KLF8: variants seen among roughly 807,000 people sequenced by gnomAD.
The protein encoded by KLF8 is KLF transcription factor 8.
KLF8 carries 10 observed loss-of-function variants against 18.2 expected under a neutral mutation model. The observed-to-expected ratio is 0.55, with a 90% CI of 0.34 to 0.93. KLF8 has a LOEUF of 0.93. KLF8 is among the 40% of genes least tolerant of loss of function. The pLI, the probability that KLF8 is intolerant of heterozygous loss-of-function variation, is 0.02. For missense variants in KLF8, 264 were observed against 277.9 expected (o/e 0.95, Z 0.36); for synonymous variants, 109 against 97.3 (o/e 1.12, Z -0.71).
the KLF8 span, among the ~76,000 whole-genome samples, chrX:56,027,027 C>T: frequency 4.9e-4 from 55 of 112,714 alleles, no homozygotes; most frequent in African/African-American, 1.5e-3. Context: ...GTAGAAGTAC[C>T]AGCTTAACAG....
At chrX:56,189,162 T>A in the KLF8 span, among the ~76,000 whole-genome samples, 2 of 110,559 alleles carry the variant, frequency 1.8e-5, no homozygotes, top group Non-Finnish European at 3.8e-5. Context: ...AGAACTCCAA[T>A]AAATTTACAA....
the KLF8 span, among the ~76,000 whole-genome samples, chrX:56,097,035 A>G: frequency 9.0e-6 from 1 of 111,545 alleles, no homozygotes; most frequent in Admixed American, 9.6e-5. Flanking sequence ...TTTTGTGAAC[A>G]TAGATGCAAA....
the KLF8 span, among the ~76,000 whole-genome samples, chrX:56,009,453 G>A: frequency 9.0e-6 from 1 of 111,728 alleles, no homozygotes; most frequent in South Asian, 3.8e-4. Context: ...TCATCCAAAG[G>A]TCAGCAGCCT....
the KLF8 span, among the ~76,000 whole-genome samples, chrX:55,915,564 G>T: frequency 7.1e-5 from 8 of 111,913 alleles, no homozygotes; most frequent in African/African-American, 1.9e-4. Context: ...TCACATTCAG[G>T]CCACAGATGT....
chrX:56,235,704 C>A (rs774563087), intron 1 of KLF8, among the ~76,000 whole-genome samples: 11 of 111,331 alleles, frequency 9.9e-5, no homozygotes, highest in Non-Finnish European at 1.9e-4. Flanking sequence ...GCATGAGCCA[C>A]GTGCCCAACC....
the KLF8 span, among the ~76,000 whole-genome samples, chrX:56,148,976 T>G: frequency 8.9e-6 from 1 of 112,285 alleles, no homozygotes; most frequent in African/African-American, 3.2e-5. Context: ...CCCAGACCCA[T>G]GAAGGGCTTC....
At chrX:56,007,480 G>A in the KLF8 span, among the ~76,000 whole-genome samples, 1 of 111,334 alleles carries the variant, frequency 9.0e-6, no homozygotes, top group African/African-American at 3.3e-5. Context: ...AGTCTGTGGT[G>A]GGAACCTGAA....
At chrX:56,120,686 C>T in the KLF8 span, among the ~76,000 whole-genome samples, 3 of 111,462 alleles carry the variant, frequency 2.7e-5, no homozygotes, top group Non-Finnish European at 5.6e-5. Context: ...CCACCTAGGG[C>T]CTTTCCCTCT....
At chrX:56,252,807 C>T (rs759830065) in intron 2 of KLF8, among the ~76,000 whole-genome samples, 1 of 112,210 alleles carries the variant, frequency 8.9e-6, no homozygotes, top group Non-Finnish European at 1.9e-5. Context: ...AAATTGTTCT[C>T]CATAGTGGCT....
At chrX:55,939,346 T>G in the KLF8 span, among the ~76,000 whole-genome samples, 1 of 110,474 alleles carries the variant, frequency 9.1e-6, no homozygotes, top group East Asian at 2.8e-4. Flanking sequence ...AGACACAACA[T>G]AACCAGAATC....
the KLF8 span, among the ~76,000 whole-genome samples, chrX:55,945,924 G>A: frequency 1.2e-4 from 13 of 110,862 alleles, no homozygotes; most frequent in African/African-American, 3.9e-4. Context: ...AATCCAACTT[G>A]CAAGGGATGT....
At chrX:55,958,474 T>A in the KLF8 span, among the ~76,000 whole-genome samples, 2 of 111,993 alleles carry the variant, frequency 1.8e-5, no homozygotes, top group South Asian at 7.4e-4. Context: ...GATTCAGAAA[T>A]GAGAAAATGG....
the KLF8 span, among the ~76,000 whole-genome samples, chrX:56,185,554 C>T: frequency 9.0e-6 from 1 of 111,230 alleles, no homozygotes; most frequent in Non-Finnish European, 1.9e-5. Context: ...AGAAGAGCAA[C>T]TCCAAGACAC....
At chrX:56,053,898 A>G in the KLF8 span, among the ~76,000 whole-genome samples, 27 of 110,370 alleles carry the variant, frequency 2.4e-4, no homozygotes, top group African/African-American at 8.8e-4. Context: ...TTCTCTCCCT[A>G]TTTCTTCATT....
At chrX:56,255,641 A>G (rs186199496) in intron 2 of KLF8, among the ~76,000 whole-genome samples, 143 of 112,462 alleles carry the variant, frequency 1.3e-3, no homozygotes, top group African/African-American at 3.3e-3. Context: ...TTCAGCATCA[A>G]TTGAAATAAT....
chrX:55,982,715 A>AC, the KLF8 span, among the ~76,000 whole-genome samples: 1 of 111,759 alleles, frequency 8.9e-6, no homozygotes, highest in African/African-American at 3.2e-5. Context: ...TAATATTATC[A>AC]CCCCCACAGA....
the KLF8 span, among the ~76,000 whole-genome samples, chrX:56,053,122 C>T: frequency 1.0e-3 from 114 of 112,188 alleles, 1 homozygote; most frequent in East Asian, 0.015. Flanking sequence ...CGCCCTGCTT[C>T]GGCTTGCGCA....
the KLF8 span, chrX:56,014,817 G>GTTTTTTTTTTTTTTT: frequency 3.4e-5 from 2 of 59,370 alleles, no homozygotes; most frequent in Non-Finnish European, 2.8e-5. Context: ...ACAAGATCAT[G>GTTTTTTTTTTTTTTT]TTTTTTTTTT....
At chrX:56,270,380 A>ACACACACC in intron 5 of KLF8, 59 bp downstream of exon 5, 2 of 809,302 alleles carry the variant, frequency 2.5e-6, no homozygotes, top group Non-Finnish European at 3.1e-6. Context: ...ACACACACAC[A>ACACACACC]CGAGAGAGAG....
Sources: allele counts gnomAD v4.1 joint callset (sites outside exome capture counted in the v4.1 genomes callset), GRCh38; gene constraint gnomAD v4.1.1; transcripts MANE v1.5; gene names NCBI Gene and HGNC (gene_info 2026-07-23, HGNC 2026-07-21).